The following TMCC3 variants were observed in gnomAD, a reference collection of about 807,000 sequenced individuals.
TMCC3 encodes transmembrane and coiled-coil domain family 3.
TMCC3 carries 28 observed loss-of-function variants against 40.2 expected under a neutral mutation model. The ratio of observed to expected loss-of-function variants is 0.70; its 90% CI spans 0.52 to 0.95. The LOEUF (loss-of-function observed/expected upper bound fraction) is 0.95. Among genes scored for constraint, TMCC3 ranks in the 40% least tolerant of loss-of-function variants. TMCC3 has a pLI of 0.00. For synonymous variants in TMCC3, 255 were observed against 248.5 expected (o/e 1.03, Z -0.25); for missense variants, 554 against 615.2 (o/e 0.90, Z 1.05).
intron 1 of TMCC3, among the ~76,000 whole-genome samples, chr12:94,633,057 G>A (rs966992113): frequency 2.6e-5 from 4 of 152,180 alleles, no homozygotes; most frequent in Non-Finnish European, 2.9e-5. Context: ...AGTGGGCCGA[G>A]ATTGCACCAT....
chr12:94,606,393 A>C (rs1182803380), intron 1 of TMCC3, among the ~76,000 whole-genome samples: 1 of 144,630 alleles, frequency 6.9e-6, no homozygotes, highest in Non-Finnish European at 1.5e-5. Context: ...TTTTGAGACA[A>C]TCTCGCTCTG....
intron 1 of TMCC3, among the ~76,000 whole-genome samples, chr12:94,603,248 C>T (rs1160014890): frequency 6.6e-6 from 1 of 152,074 alleles, no homozygotes; most frequent in East Asian, 1.9e-4. Context: ...CCACGCCTGG[C>T]TAATTTTTTT....
chr12:94,572,322 TTTTTTTGA>T (rs1318305212), intron 3 of TMCC3, among the ~76,000 whole-genome samples: 44 of 122,104 alleles, frequency 3.6e-4, no homozygotes, highest in South Asian at 2.1e-3. Flanking sequence ...TTTTTTTTTT[TTTTTTTGA>T]GACAGAGTTT....
intron 1 of TMCC3, among the ~76,000 whole-genome samples, chr12:94,596,664 C>T (rs1314188261): frequency 6.6e-6 from 1 of 152,010 alleles, no homozygotes; most frequent in African/African-American, 2.4e-5. Flanking sequence ...GATCATCTAT[C>T]ATCTACTAGG....
intron 1 of TMCC3, among the ~76,000 whole-genome samples, chr12:94,594,431 G>A (rs1005631876): frequency 6.6e-6 from 1 of 152,160 alleles, no homozygotes; most frequent in Admixed American, 6.5e-5. Flanking sequence ...CAGAACAAAT[G>A]TCCACTGAAG....
At chr12:94,635,660 G>GTTT (rs63480462) in intron 1 of TMCC3, among the ~76,000 whole-genome samples, 1,620 of 89,314 alleles carry the variant, frequency 0.018, 40 homozygotes, top group South Asian at 0.029. Flanking sequence ...GTGTATGTGG[G>GTTT]TTTTTTTTTT....
In TMCC3 at chr12:94,615,985, G is replaced by A. The variant is rs61744706; in HGVS notation, c.79-33447C>T. 5.0e-4 allele frequency: 497 copies of A among 985,412 alleles called. 2 individuals carry two copies. The African/African-American group carries it at 6.8e-3, about 13-fold the overall frequency. The allele number at this position is 985,412 out of a possible 1,614,324, so 61.0% of individuals were successfully genotyped here. ...CGGCAGCTAGCTCACCCTCCTGCCC[G>A]AGGCATTTGAATCTGCAAGGCAGGC... On this transcript the variant is annotated intron_variant, in intron 1 of 3. Transcript: ENST00000261226.
At chr12:94,611,112 A>G (rs1371285339) in intron 1 of TMCC3, among the ~76,000 whole-genome samples, 1 of 152,246 alleles carries the variant, frequency 6.6e-6, no homozygotes, top group East Asian at 1.9e-4. Flanking sequence ...GTAGCAAAAT[A>G]AATAATCTAT....
intron 1 of TMCC3, among the ~76,000 whole-genome samples, chr12:94,645,483 G>A (rs1241724179): frequency 6.6e-6 from 1 of 152,152 alleles, no homozygotes; most frequent in South Asian, 2.1e-4. Context: ...TGTTGCCCAG[G>A]CTGGAGTGCA....
intron 1 of TMCC3, among the ~76,000 whole-genome samples, chr12:94,603,451 A>G (rs1416388007): frequency 6.6e-6 from 1 of 152,214 alleles, no homozygotes; most frequent in Non-Finnish European, 1.5e-5. Flanking sequence ...TTAATAAGCA[A>G]CAAGTCGTTA....
chr12:94,587,110 C>T (rs900180006), intron 1 of TMCC3, among the ~76,000 whole-genome samples: 20 of 152,334 alleles, frequency 1.3e-4, no homozygotes, highest in African/African-American at 4.8e-4. Flanking sequence ...CTCCACCCTT[C>T]GTTTAATCCA....
chr12:94,648,620 G>C (rs2069034345), intron 1 of TMCC3, among the ~76,000 whole-genome samples: 1 of 152,194 alleles, frequency 6.6e-6, no homozygotes, highest in African/African-American at 2.4e-5. Flanking sequence ...GGCAGATGCG[G>C]CAGAAACACT....
intron 2 of TMCC3, among the ~76,000 whole-genome samples, chr12:94,579,642 C>G (rs1229319571): frequency 6.6e-6 from 1 of 152,214 alleles, no homozygotes; most frequent in Non-Finnish European, 1.5e-5. Context: ...CAGATGCTTA[C>G]ATAGGTCACC....
In TMCC3 at chr12:94,568,747, A is replaced by C. The variant is rs549214594; in HGVS notation, c.*2688T>G. The stretch of plus-strand genomic sequence containing the variant: ...AAGTACAAAGTTTCATGAACTTTCA[A>C]CAAGACTGCAAAATAAATATGCCAG... On this transcript the variant is annotated 3_prime_UTR_variant, in exon 4 of 4. Transcript: ENST00000261226. 4.6e-5 allele frequency: 7 copies of C among 152,352 alleles called. No individual in the cohort carries two copies. Among genetic ancestry groups the C allele is most frequent in the Non-Finnish European group, 1.0e-4 (7 of 68,030 alleles). The allele number at this position is 152,352 out of a possible 1,614,324, so 9.4% of individuals were successfully genotyped here.
At chr12:94,581,574 TA>T (rs763583359) in intron 2 of TMCC3, 47 bp downstream of exon 2, 1 of 1,179,940 alleles carries the variant, frequency 8.5e-7, no homozygotes, top group Admixed American at 3.7e-5. Context: ...AATAAAAAAA[TA>T]AATAAATAAA....
At chr12:94,580,096 A>G (rs1419571908) in intron 2 of TMCC3, among the ~76,000 whole-genome samples, 3 of 152,252 alleles carry the variant, frequency 2.0e-5, no homozygotes, top group Non-Finnish European at 4.4e-5. Flanking sequence ...TTATAAAACA[A>G]TAAGTAAACT....
At chr12:94,598,308 T>A (rs1316716212) in intron 1 of TMCC3, among the ~76,000 whole-genome samples, 1 of 152,202 alleles carries the variant, frequency 6.6e-6, no homozygotes, top group Non-Finnish European at 1.5e-5. Context: ...TTATCATACA[T>A]ATACCTGTTT....
At chr12:94,582,629 G>C (rs1021715715) in intron 1 of TMCC3, 91 bp from the exon 2 acceptor site, 6 of 1,214,804 alleles carry the variant, frequency 4.9e-6, no homozygotes, top group Non-Finnish European at 5.7e-6. Flanking sequence ...ATACATACAT[G>C]AAGTCCCAGT....
At chr12:94,603,465 A>AC (rs2068764520) in intron 1 of TMCC3, among the ~76,000 whole-genome samples, 1 of 152,164 alleles carries the variant, frequency 6.6e-6, no homozygotes. Flanking sequence ...GTCGTTAAAA[A>AC]CCATATGCAA....
Sources: gnomAD v4.1 joint callset for allele counts (sites outside exome capture counted in the v4.1 genomes callset) on GRCh38, gnomAD v4.1.1 for gene constraint, MANE v1.5 for transcripts, NCBI Gene and HGNC (gene_info 2026-07-23, HGNC 2026-07-21) for gene names.